POFUT3: variants seen among roughly 807,000 people sequenced by gnomAD.
The protein encoded by POFUT3 is GDP-fucose protein O-fucosyltransferase 3.
At chr8:33,376,559 C>T in the POFUT3 span, among the ~76,000 whole-genome samples, 1 of 152,150 alleles carries the variant, frequency 6.6e-6, no homozygotes, top group Non-Finnish European at 1.5e-5. Flanking sequence ...TGGCCAAGTC[C>T]TCCTTTCTCT....
chr8:33,316,696 T>C, the POFUT3 span, among the ~76,000 whole-genome samples: 1 of 150,666 alleles, frequency 6.6e-6, no homozygotes, highest in African/African-American at 2.4e-5. Context: ...GAGCCAAGAT[T>C]GGGCCACTGC....
the POFUT3 span, among the ~76,000 whole-genome samples, chr8:33,451,494 A>G: frequency 0.7 from 106,018 of 151,526 alleles, 38,243 homozygotes; most frequent in African/African-American, 0.88. Context: ...ATATATGCAT[A>G]TATGTAGATG....
the POFUT3 span, among the ~76,000 whole-genome samples, chr8:33,432,948 T>C: frequency 3.9e-5 from 6 of 152,168 alleles, no homozygotes; most frequent in East Asian, 1.9e-4. Flanking sequence ...AAATCATTCA[T>C]TGAGGCCAGG....
the POFUT3 span, among the ~76,000 whole-genome samples, chr8:33,419,211 G>A: frequency 2.6e-5 from 4 of 152,194 alleles, no homozygotes; most frequent in African/African-American, 9.7e-5. Context: ...TTTTGAAATA[G>A]CTAGACTAGA....
the POFUT3 span, chr8:33,455,656 C>T: frequency 4.2e-5 from 14 of 336,286 alleles, no homozygotes; most frequent in East Asian, 7.0e-4. Flanking sequence ...AGCGTTAAAG[C>T]AGTTAAAGTA....
chr8:33,443,113 C>T, the POFUT3 span, among the ~76,000 whole-genome samples: 13 of 151,542 alleles, frequency 8.6e-5, no homozygotes, highest in East Asian at 3.9e-4. Context: ...AACCTGCCTA[C>T]GAAAAAGAAA....
the POFUT3 span, among the ~76,000 whole-genome samples, chr8:33,353,884 C>A: frequency 3.3e-5 from 5 of 152,200 alleles, no homozygotes; most frequent in African/African-American, 1.2e-4. Context: ...AAAACTAAGA[C>A]TTTGGCCTCG....
chr8:33,351,176 A>G, the POFUT3 span, among the ~76,000 whole-genome samples: 3 of 152,108 alleles, frequency 2.0e-5, no homozygotes, highest in Non-Finnish European at 2.9e-5. Flanking sequence ...GCTGGTCACA[A>G]ACTCCTGACC....
chr8:33,345,398 C>CTTTTTT, the POFUT3 span, among the ~76,000 whole-genome samples: 3 of 122,478 alleles, frequency 2.4e-5, no homozygotes, highest in Non-Finnish European at 5.1e-5. Context: ...GTATATTTTA[C>CTTTTTT]TTTTTTTTTT....
the POFUT3 span, among the ~76,000 whole-genome samples, chr8:33,324,773 A>G: frequency 6.6e-6 from 1 of 150,596 alleles, no homozygotes; most frequent in Admixed American, 6.7e-5. Flanking sequence ...ACCATCGCCT[A>G]TGTAATAGAT....
the POFUT3 span, among the ~76,000 whole-genome samples, chr8:33,378,952 C>T: frequency 3.3e-5 from 5 of 152,050 alleles, no homozygotes; most frequent in East Asian, 1.9e-4. Flanking sequence ...TTGTAATCCC[C>T]GTGTGTCAAG....
the POFUT3 span, among the ~76,000 whole-genome samples, chr8:33,341,223 G>A: frequency 6.6e-6 from 1 of 151,750 alleles, no homozygotes; most frequent in African/African-American, 2.4e-5. Flanking sequence ...ATCACTTGAG[G>A]TCAGGAGTGC....
At chr8:33,389,595 A>T in the POFUT3 span, 1 of 1,614,196 alleles carries the variant, frequency 6.2e-7, no homozygotes, top group Non-Finnish European at 8.5e-7. Flanking sequence ...TATCGGAGTG[A>T]CTTCAGGACT....
At chr8:33,390,504 A>C in the POFUT3 span, among the ~76,000 whole-genome samples, 1 of 151,406 alleles carries the variant, frequency 6.6e-6, no homozygotes, top group African/African-American at 2.4e-5. Flanking sequence ...AAGAGAAAGG[A>C]AGCCAAAAAA....
the POFUT3 span, among the ~76,000 whole-genome samples, chr8:33,330,559 T>G: frequency 2.0e-5 from 3 of 152,218 alleles, no homozygotes; most frequent in Non-Finnish European, 4.4e-5. Flanking sequence ...AGATGTCTTT[T>G]AAATGCTTGT....
the POFUT3 span, among the ~76,000 whole-genome samples, chr8:33,366,208 G>A: frequency 2.8e-4 from 42 of 152,186 alleles, no homozygotes; most frequent in African/African-American, 8.9e-4. Flanking sequence ...ATTGAACAAT[G>A]AGATCACTTA....
the POFUT3 span, among the ~76,000 whole-genome samples, chr8:33,318,109 T>A: frequency 6.6e-6 from 1 of 152,112 alleles, no homozygotes; most frequent in Non-Finnish European, 1.5e-5. Flanking sequence ...ATAAATAGCC[T>A]GTTATCTATG....
chr8:33,321,532 C>G, the POFUT3 span, among the ~76,000 whole-genome samples: 457 of 152,166 alleles, frequency 3.0e-3, 4 homozygotes, highest in Middle Eastern at 6.8e-3. Context: ...ATAGTTGGAC[C>G]TCTTATTTGG....
chr8:33,397,876 A>G, the POFUT3 span, among the ~76,000 whole-genome samples: 2 of 152,152 alleles, frequency 1.3e-5, no homozygotes, highest in Non-Finnish European at 2.9e-5. Context: ...CAGTCAACAT[A>G]TCTGGAGACA....
Sources: allele counts gnomAD v4.1 joint callset (sites outside exome capture counted in the v4.1 genomes callset), GRCh38; gene constraint gnomAD v4.1.1; transcripts MANE v1.5; gene names NCBI Gene and HGNC (gene_info 2026-07-23, HGNC 2026-07-21).